Variants in PTPRT observed in about 807,000 individuals in gnomAD.
PTPRT encodes protein tyrosine phosphatase receptor type T, also known as receptor-type tyrosine-protein phosphatase T.
Under a neutral mutation model 176.8 loss-of-function variants are expected in PTPRT, and 56 were observed. The ratio of observed to expected loss-of-function variants is 0.32; its 90% CI spans 0.26 to 0.40. PTPRT has a LOEUF of 0.40. PTPRT is among the 10% of genes least tolerant of loss of function. The pLI, the probability that PTPRT is intolerant of heterozygous loss-of-function variation, is 1.00. For synonymous variants in PTPRT, 783 were observed against 739.0 expected (o/e 1.06, Z -0.96); for missense variants, 1,540 against 1,908.2 (o/e 0.81, Z 3.60).
At chr20:42,545,536 G>A (rs1459983476) in intron 7 of PTPRT, among the ~76,000 whole-genome samples, 5 of 152,092 alleles carry the variant, frequency 3.3e-5, no homozygotes, top group African/African-American at 7.2e-5. Context: ...CCTATCCTGA[G>A]GAAACAAACC....
At chr20:42,186,257 C>T (rs1184076913) in intron 16 of PTPRT, among the ~76,000 whole-genome samples, 1 of 151,892 alleles carries the variant, frequency 6.6e-6, no homozygotes, top group Non-Finnish European at 1.5e-5. Context: ...CATTGTAGTA[C>T]AAAAGCAACC....
chr20:42,659,086 A>G (rs1274011508), intron 7 of PTPRT, among the ~76,000 whole-genome samples: 1 of 152,160 alleles, frequency 6.6e-6, no homozygotes, highest in East Asian at 1.9e-4. Flanking sequence ...AAAATAATGA[A>G]AACATATTTT....
chr20:43,011,309 C>T (rs759557558), intron 1 of PTPRT, among the ~76,000 whole-genome samples: 2 of 151,792 alleles, frequency 1.3e-5, no homozygotes, highest in African/African-American at 4.9e-5. Flanking sequence ...ATGGGGAATG[C>T]TTCTAAAACT....
chr20:42,909,408 C>T (rs1203269157), intron 1 of PTPRT, among the ~76,000 whole-genome samples: 26 of 152,236 alleles, frequency 1.7e-4, no homozygotes, highest in East Asian at 3.9e-4. Context: ...TAATAGTCTT[C>T]GCCAATTGTG....
In PTPRT at chr20:42,352,139, G is replaced by A. The variant is rs2145523165; in HGVS notation, c.1707C>T (p.Ser569=). The A allele has an allele frequency of 1.2e-6, 2 of 1,614,178 alleles. No individual in the cohort carries two copies. Among genetic ancestry groups the A allele is most frequent in the East Asian group, 2.2e-5 (1 of 44,880 alleles). ...CAGGGGGCCCAAAGCCCTTTGCTGT[G>A]CTGGCCTTGATGGTGAAGGAATAGG... ...GTTYSFTIKA[S]TAKGFGPPVT... The change falls in exon 10 of 31, where the codon AGC becomes AGT. Residue 569 remains serine (S), a synonymous_variant. Transcript: ENST00000373187.
chr20:42,934,184 T>C (rs565527968), intron 1 of PTPRT, among the ~76,000 whole-genome samples: 1 of 152,294 alleles, frequency 6.6e-6, no homozygotes, highest in East Asian at 1.9e-4. Flanking sequence ...GGCAGTTTGC[T>C]GGGCCTGGAG....
chr20:42,354,393 G>A (rs2058330056), intron 9 of PTPRT, among the ~76,000 whole-genome samples: 1 of 152,168 alleles, frequency 6.6e-6, no homozygotes, highest in Non-Finnish European at 1.5e-5. Context: ...TAGCAAATAA[G>A]GCATTCCCAG....
intron 25 of PTPRT, 59 bp downstream of exon 25, chr20:42,104,510 A>C: frequency 2.0e-6 from 3 of 1,502,454 alleles, no homozygotes; most frequent in African/African-American, 1.4e-5. Context: ...ATCTATGGAA[A>C]TTTGTTATAA....
chr20:42,831,830 C>A (rs2078094228), intron 2 of PTPRT, among the ~76,000 whole-genome samples: 1 of 152,162 alleles, frequency 6.6e-6, no homozygotes. Context: ...CAATGAGATA[C>A]CATCTCACAC....
intron 2 of PTPRT, among the ~76,000 whole-genome samples, chr20:42,801,611 A>T (rs1172526159): frequency 2.0e-5 from 3 of 152,256 alleles, no homozygotes; most frequent in Admixed American, 2.0e-4. Context: ...TAGAGATTAC[A>T]GACTTCTAAA....
At chr20:42,703,298 G>A (rs1370567828) in intron 6 of PTPRT, among the ~76,000 whole-genome samples, 1 of 151,806 alleles carries the variant, frequency 6.6e-6, no homozygotes, top group Non-Finnish European at 1.5e-5. Flanking sequence ...AGCTCACACT[G>A]GAAGCCAGTA....
Position 43,048,078 on chromosome 20 carries a change from G to A in PTPRT, c.88+141568C>T, listed in dbSNP as rs968962949. 2.6e-5 allele frequency among the ~76,000 whole-genome samples: 4 copies of A among 152,144 alleles called. No homozygotes were observed. The East Asian group carries it at 7.7e-4, about 29-fold the overall frequency. The stretch of plus-strand genomic sequence containing the variant: ...AAAAGCCATAGAAAAGAACATGGGA[G>A]TACAAAGGTGGGGTCTCTGCTCAGC... On this transcript the variant is annotated intron_variant, in intron 1 of 30. Coordinates refer to ENST00000373187, the MANE Select transcript of PTPRT (RefSeq NM_007050.6).
intron 7 of PTPRT, among the ~76,000 whole-genome samples, chr20:42,593,819 T>TTACCTA (rs1413274178): frequency 2.6e-5 from 4 of 152,186 alleles, no homozygotes; most frequent in African/African-American, 9.7e-5. Flanking sequence ...ACTTTGCATT[T>TTACCTA]TTTAAACCTT....
chr20:42,701,640 G>A (rs952296506), intron 6 of PTPRT, among the ~76,000 whole-genome samples: 11 of 152,092 alleles, frequency 7.2e-5, no homozygotes, highest in African/African-American at 2.7e-4. Context: ...CTCAGGACTT[G>A]AAATGGTGTG....
chr20:42,496,097 C>T (rs998026515), intron 7 of PTPRT, among the ~76,000 whole-genome samples: 1 of 152,012 alleles, frequency 6.6e-6, no homozygotes, highest in South Asian at 2.1e-4. Context: ...AATCTATTTA[C>T]TATTCATTAA....
chr20:43,106,112 G>C (rs1358865457), intron 1 of PTPRT, among the ~76,000 whole-genome samples: 1 of 152,094 alleles, frequency 6.6e-6, no homozygotes, highest in Non-Finnish European at 1.5e-5. Context: ...AACTGCAGCA[G>C]ACTGGTGCAG....
At chr20:42,465,920 C>A (rs1415653988) in intron 8 of PTPRT, among the ~76,000 whole-genome samples, 1 of 152,118 alleles carries the variant, frequency 6.6e-6, no homozygotes, top group Non-Finnish European at 1.5e-5. Flanking sequence ...TCCTGATGCT[C>A]TCCCTCCCCA....
At chr20:42,947,471 C>G (rs116040003) in intron 1 of PTPRT, among the ~76,000 whole-genome samples, 6 of 152,054 alleles carry the variant, frequency 3.9e-5, no homozygotes, top group Admixed American at 2.6e-4. Context: ...CTAATGCTTC[C>G]CCTCTCCCTC....
At chr20:43,113,609 G>A (rs114591968) in intron 1 of PTPRT, among the ~76,000 whole-genome samples, 3,492 of 152,246 alleles carry the variant, frequency 0.023, 153 homozygotes, top group African/African-American at 0.079. Flanking sequence ...ATCTCCAATG[G>A]ATGAGGTATG....
Sources: allele counts gnomAD v4.1 joint callset (sites outside exome capture counted in the v4.1 genomes callset), GRCh38; gene constraint gnomAD v4.1.1; transcripts MANE v1.5; gene names NCBI Gene and HGNC (gene_info 2026-07-23, HGNC 2026-07-21).